SMCO2: variants seen among roughly 807,000 people sequenced by gnomAD.
SMCO2 encodes the protein single-pass membrane and coiled-coil domain-containing protein 2.
A neutral mutation model predicts 29.5 loss-of-function variants in SMCO2; 25 were observed. The ratio of observed to expected loss-of-function variants is 0.85; its 90% CI spans 0.62 to 1.18. The LOEUF is 1.18. Ranked by LOEUF, SMCO2 falls within the 50% of genes most tolerant of loss-of-function variation. SMCO2 has a pLI of 0.00. For missense variants in SMCO2, 348 were observed against 344.5 expected, an observed-to-expected ratio of 1.01 and a Z score of -0.08; for synonymous variants, 117 against 123.3, an observed-to-expected ratio of 0.95 and a Z score of 0.34.
chr12:27,501,011 C>T (rs1592222603), intron 7 of SMCO2, among the ~76,000 whole-genome samples: 1 of 150,490 alleles, frequency 6.6e-6, no homozygotes, highest in East Asian at 1.9e-4. Flanking sequence ...ATTTTCTGCC[C>T]TAATCATATA....
upstream of SMCO2, among the ~76,000 whole-genome samples, chr12:27,463,844 A>C (rs537955330): frequency 2.0e-5 from 3 of 152,356 alleles, no homozygotes; most frequent in East Asian, 5.8e-4. Context: ...CTTTATTAAA[A>C]AGAAGGAGAG....
At chr12:27,477,998 T>G (rs1267262284) in intron 4 of SMCO2, among the ~76,000 whole-genome samples, 2 of 152,202 alleles carry the variant, frequency 1.3e-5, no homozygotes, top group African/African-American at 4.8e-5. Flanking sequence ...GTTCTTACAT[T>G]GATATCTATA....
chr12:27,472,741 A>G (rs1448368499), intron 2 of SMCO2, 35 bp from the exon 3 acceptor site: 4 of 1,520,074 alleles, frequency 2.6e-6, no homozygotes, highest in Non-Finnish European at 3.6e-6. Context: ...CCAAAGGCAT[A>G]ATAACAGCCT....
chr12:27,426,680 A>C, the SMCO2 span, among the ~76,000 whole-genome samples: 2 of 152,174 alleles, frequency 1.3e-5, no homozygotes, highest in African/African-American at 4.8e-5. Context: ...AGTTAGTAAA[A>C]AATTCCTGAG....
the SMCO2 span, among the ~76,000 whole-genome samples, chr12:27,448,930 G>A: frequency 1.3e-5 from 2 of 152,170 alleles, no homozygotes; most frequent in African/African-American, 2.4e-5. Context: ...CAGAATCAAA[G>A]GGGTAAAAGA....
chr12:27,480,704 C>CAG (rs1949634697), intron 4 of SMCO2, among the ~76,000 whole-genome samples: 1 of 151,428 alleles, frequency 6.6e-6, no homozygotes, highest in South Asian at 2.1e-4. Context: ...GCACCTCTCC[C>CAG]CCCCCTCTCT....
chr12:27,483,949 TTAAC>T (rs1487334836), intron 4 of SMCO2, among the ~76,000 whole-genome samples: 5 of 152,236 alleles, frequency 3.3e-5, no homozygotes, highest in Admixed American at 2.6e-4. Context: ...CTTTAAATGA[TTAAC>T]TATTGTTTAA....
At chr12:27,443,707 A>G in the SMCO2 span, among the ~76,000 whole-genome samples, 1 of 152,210 alleles carries the variant, frequency 6.6e-6, no homozygotes, top group African/African-American at 2.4e-5. Flanking sequence ...TAGTATTTAT[A>G]TATGCCACCA....
chr12:27,434,152 A>T, the SMCO2 span, among the ~76,000 whole-genome samples: 1 of 152,252 alleles, frequency 6.6e-6, no homozygotes, highest in Non-Finnish European at 1.5e-5. Flanking sequence ...TCAAAAATAA[A>T]TGTTGGAATC....
At chr12:27,462,094 T>C (rs1485735503), upstream of SMCO2, among the ~76,000 whole-genome samples, 3 of 152,242 alleles carry the variant, frequency 2.0e-5, no homozygotes, top group African/African-American at 7.2e-5. Context: ...GAACATTTGG[T>C]AATAGAGATG....
At chr12:27,476,234 A>G (rs1374452056) in intron 4 of SMCO2, among the ~76,000 whole-genome samples, 2 of 152,158 alleles carry the variant, frequency 1.3e-5, no homozygotes, top group Non-Finnish European at 2.9e-5. Context: ...ACTTGATATG[A>G]TTGCAATGTT....
the SMCO2 span, among the ~76,000 whole-genome samples, chr12:27,440,374 GAAAA>G: frequency 6.6e-6 from 1 of 151,808 alleles, no homozygotes; most frequent in East Asian, 1.9e-4. Flanking sequence ...CAATCTGAAA[GAAAA>G]AAAACACTAA....
chr12:27,437,522 C>G, the SMCO2 span, among the ~76,000 whole-genome samples: 1 of 151,994 alleles, frequency 6.6e-6, no homozygotes, highest in Non-Finnish European at 1.5e-5. Flanking sequence ...AGCAACTCAC[C>G]TTTTAAAGGA....
chr12:27,459,186 CAAAA>C, the SMCO2 span, among the ~76,000 whole-genome samples: 30 of 94,686 alleles, frequency 3.2e-4, no homozygotes, highest in East Asian at 1.2e-3. Flanking sequence ...GACTCCATCT[CAAAA>C]AAAAAAAAAA....
chr12:27,489,751 T>C (rs888350474), intron 5 of SMCO2, among the ~76,000 whole-genome samples: 1 of 152,222 alleles, frequency 6.6e-6, no homozygotes, highest in African/African-American at 2.4e-5. Context: ...AAGAGTTTTT[T>C]TCACTATCTT....
At chr12:27,441,881 G>A in the SMCO2 span, among the ~76,000 whole-genome samples, 1 of 152,104 alleles carries the variant, frequency 6.6e-6, no homozygotes, top group Non-Finnish European at 1.5e-5. Flanking sequence ...GACCGCAATG[G>A]AATAAAACTA....
chr12:27,482,762 G>A (rs866823807), intron 4 of SMCO2, among the ~76,000 whole-genome samples: 1 of 151,998 alleles, frequency 6.6e-6, no homozygotes, highest in African/African-American at 2.4e-5. Context: ...ACAAGGTCTC[G>A]CTCTGTTGCC....
At chr12:27,457,922 A>C in the SMCO2 span, among the ~76,000 whole-genome samples, 3 of 152,338 alleles carry the variant, frequency 2.0e-5, no homozygotes, top group South Asian at 2.1e-4. Flanking sequence ...TCTGTATTCT[A>C]TCTCATTCTT....
At chr12:27,464,622 T>G (rs1387092414), upstream of SMCO2, among the ~76,000 whole-genome samples, 1 of 120,982 alleles carries the variant, frequency 8.3e-6, no homozygotes, top group African/African-American at 3.2e-5. Flanking sequence ...GAGGCTGAGG[T>G]GGGAAGATGG....
Sources: gnomAD v4.1 joint callset for allele counts (sites outside exome capture counted in the v4.1 genomes callset) on GRCh38, gnomAD v4.1.1 for gene constraint, MANE v1.5 for transcripts, NCBI Gene and HGNC (gene_info 2026-07-23, HGNC 2026-07-21) for gene names.